MACF1: variants seen among roughly 807,000 people sequenced by gnomAD.
The protein encoded by MACF1 is microtubule actin crosslinking factor 1, also known as microtubule-actin cross-linking factor 1.
A neutral mutation model predicts 854.8 loss-of-function variants in MACF1; 193 were observed. That is an observed-to-expected ratio of 0.23 (90% CI 0.20 to 0.25). The LOEUF (loss-of-function observed/expected upper bound fraction) is 0.25. Ranked by LOEUF, MACF1 falls within the 10% of genes least tolerant of loss-of-function variation. The pLI is 1.00. For missense variants in MACF1, 7,722 were observed against 8,929.1 expected, an observed-to-expected ratio of 0.86 and a Z score of 5.45; for synonymous variants, 3,185 against 3,226.7, an observed-to-expected ratio of 0.99 and a Z score of 0.44.
At chr1:39,214,781 A>G (rs913344477) in intron 1 of MACF1, among the ~76,000 whole-genome samples, 1 of 152,196 alleles carries the variant, frequency 6.6e-6, no homozygotes, top group African/African-American at 2.4e-5. Flanking sequence ...AGCTTGCTCC[A>G]TTATAGTCTC....
rs1646800380 is a variant in MACF1 at position 39,335,777 on chromosome 1, C to A, written c.9189C>A (p.Leu3063=). 5.6e-6 allele frequency: 9 copies of A among 1,614,190 alleles called. No individual in the cohort carries two copies. Among genetic ancestry groups the A allele is most frequent in the Non-Finnish European group, 6.8e-6 (8 of 1,180,016 alleles). ...ISVKHLDALT[L]FSSKQANEGK... ...TAAAACATTTAGATGCTTTAACACT[C>A]TTCAGCTCTAAACAGGCCAATGAAG... is the stretch of plus-strand genomic sequence containing the variant. The change falls in exon 37 of 101, where the codon CTC becomes CTA. Residue 3063 remains leucine, a synonymous_variant. Transcript: ENST00000564288.
In MACF1 at chr1:39,233,775, CTTTTTTT is replaced by C. The variant is rs11286953; in HGVS notation, c.171+2548_171+2554del. 3.6e-4 allele frequency among the ~76,000 whole-genome samples: 13 copies of C among 36,546 alleles called. No homozygotes were observed. In the East Asian group the frequency reaches 4.0e-3, roughly 11 times the overall value. The allele number at this position is 36,546 out of a possible 152,430, so 24.0% of individuals were successfully genotyped here. The stretch of plus-strand genomic sequence containing the variant: ...TCATCTGTATGTTACCTAGCCATAG[CTTTTTTT>C]TTTTTTTTTTTTTTTATTTATTTTT... On this transcript the variant is annotated intron_variant, in intron 2 of 100. Transcript: ENST00000564288.
intron 2 of MACF1, among the ~76,000 whole-genome samples, chr1:39,135,817 T>C (rs1643151978): frequency 6.6e-6 from 1 of 152,210 alleles, no homozygotes; most frequent in Non-Finnish European, 1.5e-5. Context: ...ACAGTTTGTC[T>C]ATCTTGCTTC....
chr1:39,337,236 C>G lies in MACF1; in HGVS notation c.10120C>G (p.Leu3374Val), dbSNP rs1479199236. Residue 3374 changes from leucine to valine, a missense_variant, in exon 38 of 101, where the codon CTG (leucine) becomes GTG (valine). Around this residue, in one of 15 missense-constraint regions of MACF1, gnomAD observed 854 missense variants for 852.6 expected, o/e 1.00. Coordinates refer to ENST00000564288, the MANE Select transcript of MACF1 (RefSeq NM_001394062.1). The stretch of plus-strand genomic sequence containing the variant: ...ACATGATGAAAAGCTAGTATCCTAT[C>G]TGTCTCTGTTACGGAACATTGAAAT... ...LEHDEKLVSY[L>V]SLLRNIEMRT... is the part of the protein sequence containing the mutation. 6.2e-7 allele frequency: 1 copy of G among 1,614,058 alleles called. No homozygotes were observed.
chr1:39,248,605 A>AAG (rs386366745), intron 2 of MACF1, among the ~76,000 whole-genome samples: 1 of 151,316 alleles, frequency 6.6e-6, no homozygotes, highest in Non-Finnish European at 1.5e-5. Flanking sequence ...CTCTACTCAA[A>AAG]ATTATAGTAA....
chr1:39,424,087 A>C lies in MACF1; in HGVS notation c.16209A>C (p.Gly5403=), dbSNP rs767479000. 2 of 1,612,524 alleles carry C rather than the reference A, an allele frequency of 1.2e-6. No homozygotes were observed. Among genetic ancestry groups the C allele is most frequent in the South Asian group, 1.1e-5 (1 of 90,944 alleles). ...CAGTAGACATGCTTCAAGCAGAAGG[A>C]GGCAGAATAGCCCAGTCAGCAGAGC... ...KATVDMLQAE[G]GRIAQSAELA... Residue 5403 remains glycine (G), a synonymous_variant, in exon 61 of 101, where the codon GGA becomes GGC. Coordinates refer to ENST00000564288, the MANE Select transcript of MACF1 (RefSeq NM_001394062.1).
intron 58 of MACF1, chr1:39,410,987 C>T: frequency 6.2e-7 from 1 of 1,614,020 alleles, no homozygotes; most frequent in Non-Finnish European, 8.5e-7. Flanking sequence ...GAAGCTGTAG[C>T]AACAAGTGGT....
rs1411828780 is a variant in MACF1 at position 39,285,127 on chromosome 1, C to T, written c.1176C>T (p.His392=). The T allele has an allele frequency of 6.2e-7, 1 of 1,614,124 alleles. No homozygotes were observed. The highest frequency in any genetic ancestry group is 1.1e-5 in the South Asian group (1 of 91,078). The change falls in exon 12 of 101, where the codon CAC becomes CAT. Residue 392 remains histidine, a synonymous_variant. Coordinates refer to ENST00000564288, the MANE Select transcript of MACF1 (RefSeq NM_001394062.1). ...GAATTAAACTGCCTCAAGGTTATCACCCTAATGATGTGGAAGAAGAGTGGG... is the reference window on the plus strand; with the variant it reads ...GAATTAAACTGCCTCAAGGTTATCATCCTAATGATGTGGAAGAAGAGTGGG... ...FGRIKLPQGY[H]PNDVEEEWGK... is the part of the protein sequence containing the mutation.
intron 2 of MACF1, among the ~76,000 whole-genome samples, chr1:39,156,732 T>C (rs532783240): frequency 6.6e-6 from 1 of 152,314 alleles, no homozygotes; most frequent in South Asian, 2.1e-4. Flanking sequence ...TATTTGTGTT[T>C]TTTACTATAT....
intron 47 of MACF1, among the ~76,000 whole-genome samples, chr1:39,360,055 A>ATATATG: frequency 1.5e-5 from 1 of 68,070 alleles, no homozygotes; most frequent in African/African-American, 5.3e-5. Context: ...ATATATATAC[A>ATATATG]CACACACACA....
rs184012918 is a variant in MACF1, at chr1:39,095,638, T to A, written c.220+11200T>A. Among the ~76,000 whole-genome samples the A allele has an allele frequency of 4.1e-3, 615 of 150,438 alleles. 1 individual carries two copies. The highest frequency in any genetic ancestry group is 0.015 in the African/African-American group (601 of 40,770). ...GCTCACACATATAATCCCAGCACTT[T>A]GGGAGGCCGAGGAAGGTGGATCACT... On this transcript the variant is annotated intron_variant, in intron 2 of 93. Transcript: ENST00000361689.
At chr1:39,110,006 A>C (rs1414941382) in intron 2 of MACF1, among the ~76,000 whole-genome samples, 1 of 152,148 alleles carries the variant, frequency 6.6e-6, no homozygotes, top group African/African-American at 2.4e-5. Flanking sequence ...AATCACATTG[A>C]AATTTTCATA....
At chr1:39,349,711 C>A (rs892924241) in intron 42 of MACF1, 84 bp downstream of exon 42, 2 of 1,400,206 alleles carry the variant, frequency 1.4e-6, no homozygotes, top group African/African-American at 1.4e-5. Context: ...TGGCTCACTG[C>A]AGCTTCGATC....
At chr1:39,090,996 C>CTTTCT (rs139017231) in intron 2 of MACF1, among the ~76,000 whole-genome samples, 133,540 of 152,144 alleles carry the variant, frequency 0.88, 58,913 homozygotes, top group East Asian at 1. Context: ...GCCTGAAAGC[C>CTTTCT]CTGTCTTGGC....
chr1:39,394,603 T>A (rs768031920), intron 58 of MACF1, among the ~76,000 whole-genome samples: 1 of 151,676 alleles, frequency 6.6e-6, no homozygotes, highest in Non-Finnish European at 1.5e-5. Context: ...AGCCTGGGTG[T>A]CAGAAAGAGA....
rs114207521 is a variant in MACF1, at chr1:39,090,418, T to C, written c.220+5980T>C. On this transcript the variant is annotated intron_variant, in intron 2 of 93. Coordinates refer to the MACF1 transcript ENST00000361689. The stretch of plus-strand genomic sequence containing the variant: ...CCAGCTCTTTGAAAGTAAATCTGGG[T>C]CACATTAGCTGTGGGCTGGAACATG... Among the ~76,000 whole-genome samples, 898 of 152,310 alleles carry C rather than the reference T, an allele frequency of 5.9e-3. 12 individuals carry two copies. Among genetic ancestry groups the C allele is most frequent in the African/African-American group, 0.02 (842 of 41,568 alleles).
At chr1:39,329,758 A>G (rs1646684519) in intron 36 of MACF1, among the ~76,000 whole-genome samples, 2 of 152,224 alleles carry the variant, frequency 1.3e-5, no homozygotes, top group Non-Finnish European at 2.9e-5. Flanking sequence ...TGAATGTATT[A>G]TTCTGTGATA....
In MACF1 at chr1:39,315,629, A is replaced by C; in HGVS notation, c.3387A>C (p.Glu1129Asp). 6.2e-7 allele frequency: 1 copy of C among 1,614,128 alleles called. No homozygotes were observed. Among genetic ancestry groups the C allele is most frequent in the Non-Finnish European group, 8.5e-7 (1 of 1,179,990 alleles). The change falls in exon 27 of 101, where the codon GAA becomes GAC. Residue 1129 changes from glutamate to aspartate, a missense_variant. Glu to Asp is a conservative substitution (Grantham distance 45). This residue lies in a region of MACF1 where 1,137 missense variants were observed against 1,263.0 expected (regional missense o/e 0.90). Coordinates refer to ENST00000564288, the MANE Select transcript of MACF1 (RefSeq NM_001394062.1). ...CAAGTGTCCCAACTCTGCGCTCAGAACTGAATCTGCTGGTGGAGAAGATGG... is the reference window on the plus strand; with the variant it reads ...CAAGTGTCCCAACTCTGCGCTCAGACCTGAATCTGCTGGTGGAGAAGATGG... ...SSSSVPTLRS[E>D]LNLLVEKMDH...
intron 99 of MACF1, among the ~76,000 whole-genome samples, chr1:39,482,514 GTTTGT>G (rs1443339112): frequency 1.1e-5 from 1 of 93,190 alleles, no homozygotes; most frequent in Non-Finnish European, 2.6e-5. Context: ...GGGTTTTTTT[GTTTGT>G]TTGTTTGTTT....
Sources: allele counts gnomAD v4.1 joint callset (sites outside exome capture counted in the v4.1 genomes callset), GRCh38; gene constraint gnomAD v4.1.1; regional missense constraint gnomAD v4.1.1; transcripts MANE v1.5; gene names NCBI Gene and HGNC (gene_info 2026-07-23, HGNC 2026-07-21).